Variants in CACNA1C observed in about 807,000 individuals in gnomAD.
CACNA1C encodes the protein voltage-dependent L-type calcium channel subunit alpha-1C.
In CACNA1C, 30 loss-of-function variants were observed where a neutral mutation model predicts 229.0. The ratio of observed to expected loss-of-function variants is 0.13; its 90% CI spans 0.10 to 0.18. CACNA1C has a LOEUF of 0.18. CACNA1C is among the 10% of genes least tolerant of loss of function. CACNA1C has a pLI of 1.00. For missense variants in CACNA1C, 1,658 were observed against 2,845.0 expected (o/e 0.58, Z 9.49); for synonymous variants, 1,114 against 1,132.5 (o/e 0.98, Z 0.33).
At chr12:2,489,450 C>CATCT (rs2099709289) in intron 6 of CACNA1C, among the ~76,000 whole-genome samples, 1 of 152,184 alleles carries the variant, frequency 6.6e-6, no homozygotes, top group African/African-American at 2.4e-5. Context: ...ATCCCGGAGG[C>CATCT]ATCTGCAAGG....
intron 3 of CACNA1C, among the ~76,000 whole-genome samples, chr12:2,273,324 A>T (rs935282035): frequency 3.9e-5 from 6 of 152,144 alleles, no homozygotes; most frequent in Non-Finnish European, 7.3e-5. Context: ...TTTATTAAAA[A>T]TTTTCTTTTC....
chr12:2,440,619 C>T (rs376555426), intron 3 of CACNA1C, among the ~76,000 whole-genome samples: 1 of 152,204 alleles, frequency 6.6e-6, no homozygotes, highest in East Asian at 1.9e-4. Context: ...CTTTTACCTG[C>T]CCAGCAGCTC....
intron 3 of CACNA1C, among the ~76,000 whole-genome samples, chr12:2,254,319 G>A (rs564076895): frequency 1.1e-4 from 16 of 152,228 alleles, no homozygotes; most frequent in Admixed American, 5.2e-4. Context: ...GCTTCTGGAG[G>A]ATGTAGGCTG....
rs146923423 is a variant in CACNA1C at position 2,547,631 on chromosome 12, T to C, written c.1391-2312T>C. The C allele has an allele frequency of 4.2e-6, 3 of 707,082 alleles. No individual in the cohort carries two copies. The African/African-American group carries it at 5.2e-5, about 12-fold the overall frequency. The allele number at this position is 707,082 out of a possible 1,614,324, so 43.8% of individuals were successfully genotyped here. ...TTGTGCCGCAGTAGTTCTGTGTGTG[T>C]GCATATATGTGTATGTATATATGTT... On this transcript the variant is annotated intron_variant, in intron 9 of 46. Coordinates refer to ENST00000399655, the MANE Select transcript of CACNA1C (RefSeq NM_000719.7).
In CACNA1C at chr12:2,585,215, T is replaced by G. The variant is rs1185490422; in HGVS notation, c.2340-161T>G. Reference sequence around the variant, plus strand: ...AGCTCAGCCCCATAGCACTTGTGACTGAGCTGCACACGAGAAGCGTCCTGG... The same window carrying G: ...AGCTCAGCCCCATAGCACTTGTGACGGAGCTGCACACGAGAAGCGTCCTGG... On this transcript the variant is annotated intron_variant, in intron 16 of 46. Transcript: ENST00000399655. The surrounding 1 kb of genome is among the most constrained non-coding windows in gnomAD (Gnocchi z 4.1). Among the ~76,000 whole-genome samples, 1 of 152,186 alleles carries G rather than the reference T, an allele frequency of 6.6e-6. No individual in the cohort carries two copies. Among genetic ancestry groups the G allele is most frequent in the Non-Finnish European group, 1.5e-5 (1 of 68,018 alleles).
At chr12:2,256,088 C>CATGATCCTGACCTG (rs2077550428) in intron 3 of CACNA1C, among the ~76,000 whole-genome samples, 1 of 152,206 alleles carries the variant, frequency 6.6e-6, no homozygotes, top group Non-Finnish European at 1.5e-5. Context: ...TTTACAATCA[C>CATGATCCTGACCTG]ACCTCCTGTT....
chr12:2,256,044 C>CCT (rs2077472500), intron 3 of CACNA1C, among the ~76,000 whole-genome samples: 1 of 152,198 alleles, frequency 6.6e-6, no homozygotes, highest in Non-Finnish European at 1.5e-5. Context: ...CCTGACCTGA[C>CCT]TACTTTACAA....
At chr12:2,018,020 A>G (rs1027450295) in intron 1 of CACNA1C, among the ~76,000 whole-genome samples, 2 of 152,376 alleles carry the variant, frequency 1.3e-5, no homozygotes, top group African/African-American at 2.4e-5. Context: ...TCTTAGCTCA[A>G]GGGACACAGG....
rs957877617 is a variant in CACNA1C at position 2,348,215 on chromosome 12, G to A, written c.478-100761G>A. 7.9e-5 allele frequency among the ~76,000 whole-genome samples: 12 copies of A among 152,308 alleles called. No homozygotes were observed. Among genetic ancestry groups the A allele is most frequent in the African/African-American group, 2.6e-4 (11 of 41,576 alleles). Reference sequence around the variant, plus strand: ...TGGGCAGTGCAGCGAGGCGCCAGCTGTGCCTGACTCCTGAGGCCTTCTGCT... The same window carrying A: ...TGGGCAGTGCAGCGAGGCGCCAGCTATGCCTGACTCCTGAGGCCTTCTGCT... On this transcript the variant is annotated intron_variant, in intron 3 of 46. Coordinates refer to ENST00000399655, the MANE Select transcript of CACNA1C (RefSeq NM_000719.7). The surrounding 1 kb of genome is among the most constrained non-coding windows in gnomAD (Gnocchi z 4.7).
intron 11 of CACNA1C, among the ~76,000 whole-genome samples, chr12:2,560,047 C>G (rs1475132323): frequency 6.6e-6 from 1 of 152,178 alleles, no homozygotes; most frequent in Non-Finnish European, 1.5e-5. Flanking sequence ...TCCCTTACTG[C>G]CCATCTCAGT....
Position 2,677,270 on chromosome 12 carries a change from C to T in CACNA1C, c.4956+49C>T, listed in dbSNP as rs771500528. 6 of 1,591,392 alleles carry T rather than the reference C, an allele frequency of 3.8e-6. 1 individual carries two copies. In the South Asian group the frequency reaches 6.9e-5, roughly 18 times the overall value. The stretch of plus-strand genomic sequence containing the variant: ...CACTCCAGGAAGGTCCTGGTCATTG[C>T]CTCTGACCTCCAGTCAGGGTCCCGG... On this transcript the variant is annotated intron_variant, in intron 40 of 46. Coordinates refer to ENST00000399655, the MANE Select transcript of CACNA1C (RefSeq NM_000719.7). The surrounding 1 kb of genome is among the most constrained non-coding windows in gnomAD (Gnocchi z 7.4).
intron 1 of CACNA1C, among the ~76,000 whole-genome samples, chr12:2,086,030 C>G (rs1189210364): frequency 2.0e-5 from 3 of 152,210 alleles, no homozygotes. Flanking sequence ...TCCTTTGGGA[C>G]TTCTTCCGCA....
At chr12:2,205,827 C>T (rs2097741532) in intron 3 of CACNA1C, among the ~76,000 whole-genome samples, 1 of 152,194 alleles carries the variant, frequency 6.6e-6, no homozygotes, top group Non-Finnish European at 1.5e-5. Flanking sequence ...GATTTGGTGT[C>T]TGGTGAGGGC....
chr12:2,074,288 A>G (rs2062389506), intron 1 of CACNA1C, among the ~76,000 whole-genome samples: 1 of 152,218 alleles, frequency 6.6e-6, no homozygotes, highest in African/African-American at 2.4e-5. Flanking sequence ...TTTCTGTTCT[A>G]GACTCCTGAA....
At chr12:2,674,356 AGGAAGG>A (rs1348922752) in intron 38 of CACNA1C, 179 bp from the exon 39 acceptor site, 1 of 799,090 alleles carries the variant, frequency 1.3e-6, no homozygotes, top group East Asian at 2.8e-5. Context: ...AGGTGGACAG[AGGAAGG>A]GGAAGAGGAA....
intron 8 of CACNA1C, among the ~76,000 whole-genome samples, chr12:2,510,059 TG>T (rs1170806852): frequency 4.6e-5 from 7 of 152,196 alleles, no homozygotes. Context: ...CGCTGAGCCC[TG>T]GCCCCTGGCT....
chr12:2,101,566 G>T (rs537023289), intron 1 of CACNA1C, among the ~76,000 whole-genome samples: 1 of 152,164 alleles, frequency 6.6e-6, no homozygotes, highest in Non-Finnish European at 1.5e-5. Context: ...CGAGCCTCAG[G>T]AGTAGGGGCA....
Position 2,697,115 on chromosome 12 carries a change from G to A in CACNA1C, c.*5916G>A. On this transcript the variant is annotated 3_prime_UTR_variant, in exon 47 of 47. Coordinates refer to ENST00000399655, the MANE Select transcript of CACNA1C (RefSeq NM_000719.7). ...GGTGTCTCCAGCATCCCAAAGCTGT[G>A]CGCACCTTCTCTTTTCCTGCCTCAG... is the stretch of plus-strand genomic sequence containing the variant. 6.6e-6 allele frequency: 1 copy of A among 152,514 alleles called. No individual in the cohort carries two copies. The highest frequency in any genetic ancestry group is 1.5e-5 in the Non-Finnish European group (1 of 68,198). The allele number at this position is 152,514 out of a possible 1,614,324, so 9.4% of individuals were successfully genotyped here. A position where few individuals can be genotyped will look rare whatever the true frequency, so the allele number is the denominator to read the frequency against.
At chr12:2,451,978 A>T (rs190237754) in intron 4 of CACNA1C, among the ~76,000 whole-genome samples, 1 of 152,256 alleles carries the variant, frequency 6.6e-6, no homozygotes, top group East Asian at 1.9e-4. Context: ...GGTGCAGCTT[A>T]CCACCTCTCT....
Sources: gnomAD v4.1 joint callset for allele counts (sites outside exome capture counted in the v4.1 genomes callset) on GRCh38, gnomAD v4.1.1 for gene constraint, Gnocchi (gnomAD v3.1) non-coding constraint, MANE v1.5 for transcripts, NCBI Gene and HGNC (gene_info 2026-07-23, HGNC 2026-07-21) for gene names.